Variants in SPOCK3 observed in about 807,000 individuals in gnomAD.
SPOCK3 encodes SPARC (osteonectin), cwcv and kazal like domains proteoglycan 3.
A neutral mutation model predicts 56.6 loss-of-function variants in SPOCK3; 30 were observed. That is an observed-to-expected ratio of 0.53 (90% CI 0.40 to 0.72). The LOEUF is 0.72. Among genes scored for constraint, SPOCK3 ranks in the 30% least tolerant of loss-of-function variants. The pLI is 0.00. For synonymous variants in SPOCK3, 196 were observed against 183.3 expected (o/e 1.07, Z -0.56); for missense variants, 527 against 530.0 (o/e 0.99, Z 0.06).
chr4:167,205,867 C>A (rs1734275926), intron 2 of SPOCK3, among the ~76,000 whole-genome samples: 1 of 151,300 alleles, frequency 6.6e-6, no homozygotes. Context: ...CCTCAGCCTT[C>A]CAAAGTGCTG....
intron 2 of SPOCK3, among the ~76,000 whole-genome samples, chr4:167,090,292 CT>C (rs1004724877): frequency 3.3e-5 from 5 of 150,930 alleles, no homozygotes; most frequent in South Asian, 2.1e-4. Context: ...TTGGCATTGT[CT>C]TTTTTTTTCT....
chr4:166,933,508 G>A (rs1224099138), intron 4 of SPOCK3, among the ~76,000 whole-genome samples: 4 of 151,824 alleles, frequency 2.6e-5, no homozygotes, highest in East Asian at 1.9e-4. Context: ...CTCTCTCACA[G>A]GAAATCTCAA....
intron 6 of SPOCK3, among the ~76,000 whole-genome samples, chr4:166,810,139 A>T (rs1161670933): frequency 3.9e-5 from 6 of 152,068 alleles, no homozygotes; most frequent in Non-Finnish European, 1.5e-5. Flanking sequence ...TCCCCAAATC[A>T]TTTAGCACAA....
At chr4:167,097,608 T>A (rs72699643) in intron 2 of SPOCK3, among the ~76,000 whole-genome samples, 25,772 of 151,798 alleles carry the variant, frequency 0.17, 2,674 homozygotes, top group Admixed American at 0.26. Flanking sequence ...ATTTCTTACA[T>A]TGATATATTG....
intron 3 of SPOCK3, among the ~76,000 whole-genome samples, chr4:167,007,241 G>C (rs1292080547): frequency 1.3e-5 from 2 of 152,028 alleles, no homozygotes; most frequent in African/African-American, 4.8e-5. Flanking sequence ...ATTGGTTCCA[G>C]GACCCCAGAG....
chr4:167,131,597 C>T (rs10023307), intron 2 of SPOCK3, among the ~76,000 whole-genome samples: 115,023 of 151,870 alleles, frequency 0.76, 43,580 homozygotes, highest in East Asian at 0.77. Context: ...AGCAAGACTC[C>T]GTCCCCCACA....
intron 2 of SPOCK3, among the ~76,000 whole-genome samples, chr4:167,214,576 T>C (rs1323788678): frequency 6.6e-6 from 1 of 152,112 alleles, no homozygotes; most frequent in Non-Finnish European, 1.5e-5. Flanking sequence ...TTCTTACCAT[T>C]TTTATTATAA....
intron 6 of SPOCK3, among the ~76,000 whole-genome samples, chr4:166,877,583 A>G (rs1006820681): frequency 6.6e-6 from 1 of 152,196 alleles, no homozygotes; most frequent in Non-Finnish European, 1.5e-5. Flanking sequence ...TGAAAATCTC[A>G]AAAGAACAGT....
chr4:167,188,853 T>C (rs1358528413), intron 2 of SPOCK3, among the ~76,000 whole-genome samples: 1 of 145,958 alleles, frequency 6.9e-6, no homozygotes, highest in African/African-American at 2.6e-5. Flanking sequence ...TTAAATGAAA[T>C]TGACAAAATG....
chr4:167,057,065 C>G (rs1469039205), intron 3 of SPOCK3, among the ~76,000 whole-genome samples: 3 of 152,076 alleles, frequency 2.0e-5, no homozygotes, highest in African/African-American at 2.4e-5. Flanking sequence ...AAAGGGAAGC[C>G]CATCAGACTA....
At chr4:166,973,005 CCA>C (rs1185859346) in intron 4 of SPOCK3, among the ~76,000 whole-genome samples, 1 of 151,926 alleles carries the variant, frequency 6.6e-6, no homozygotes, top group Non-Finnish European at 1.5e-5. Flanking sequence ...CTCTGTTTAC[CCA>C]CCGAAATCTC....
intron 6 of SPOCK3, among the ~76,000 whole-genome samples, chr4:166,817,466 G>A (rs543124716): frequency 2.6e-4 from 39 of 152,152 alleles, no homozygotes; most frequent in African/African-American, 5.5e-4. Context: ...TGAGGGACCC[G>A]TAGAGTATTG....
intron 2 of SPOCK3, among the ~76,000 whole-genome samples, chr4:167,156,105 A>AT (rs1214668643): frequency 2.6e-5 from 4 of 152,228 alleles, no homozygotes; most frequent in African/African-American, 9.6e-5. Flanking sequence ...AAATAGTATC[A>AT]TAACATTTAG....
At chr4:166,899,588 C>T (rs1402455849) in intron 5 of SPOCK3, among the ~76,000 whole-genome samples, 1 of 146,514 alleles carries the variant, frequency 6.8e-6, no homozygotes, top group Non-Finnish European at 1.5e-5. Context: ...CTTACTGCAA[C>T]CTCTGCCTCC....
intron 7 of SPOCK3, among the ~76,000 whole-genome samples, chr4:166,767,769 G>T (rs550894443): frequency 6.6e-6 from 1 of 152,140 alleles, no homozygotes; most frequent in African/African-American, 2.4e-5. Context: ...TCGTTGATCT[G>T]TCTAATGTTG....
intron 2 of SPOCK3, among the ~76,000 whole-genome samples, chr4:167,159,797 T>G (rs1256953675): frequency 6.6e-6 from 1 of 152,150 alleles, no homozygotes; most frequent in Non-Finnish European, 1.5e-5. Flanking sequence ...AACCACATGA[T>G]TATCTCAATA....
chr4:166,885,572 C>A (rs1444321859), intron 6 of SPOCK3, among the ~76,000 whole-genome samples: 1 of 152,048 alleles, frequency 6.6e-6, no homozygotes, highest in Non-Finnish European at 1.5e-5. Context: ...CTTTAGGATT[C>A]CACGTTCCTT....
chr4:166,923,993 G>A (rs775287622), intron 4 of SPOCK3, among the ~76,000 whole-genome samples: 21 of 152,088 alleles, frequency 1.4e-4, no homozygotes, highest in Non-Finnish European at 2.5e-4. Context: ...TTTAGCAGTC[G>A]TGGTCACTGG....
At chr4:166,798,349 C>T (rs957593370) in intron 6 of SPOCK3, among the ~76,000 whole-genome samples, 1 of 152,036 alleles carries the variant, frequency 6.6e-6, no homozygotes, top group Non-Finnish European at 1.5e-5. Flanking sequence ...CATCACGGCC[C>T]CTAACAATGC....
Sources: allele counts gnomAD v4.1 joint callset (sites outside exome capture counted in the v4.1 genomes callset), GRCh38; gene constraint gnomAD v4.1.1; transcripts MANE v1.5; gene names NCBI Gene and HGNC (gene_info 2026-07-23, HGNC 2026-07-21).